NT5C2: variants seen among roughly 807,000 people sequenced by gnomAD.
NT5C2 encodes cytosolic purine 5'-nucleotidase.
In NT5C2, 58 loss-of-function variants were observed where a neutral mutation model predicts 76.1. The observed-to-expected ratio is 0.76, with a 90% CI of 0.62 to 0.95. The LOEUF (loss-of-function observed/expected upper bound fraction) is 0.95. Among genes scored for constraint, NT5C2 ranks in the 40% least tolerant of loss-of-function variants. NT5C2 has a pLI of 0.00. For missense variants in NT5C2, 478 were observed against 690.3 expected (o/e 0.69, Z 3.45); for synonymous variants, 229 against 237.4 (o/e 0.96, Z 0.32).
chr10:103,169,934 G>A (rs953401801), intron 3 of NT5C2, among the ~76,000 whole-genome samples: 1 of 152,102 alleles, frequency 6.6e-6, no homozygotes, highest in Non-Finnish European at 1.5e-5. Flanking sequence ...AGACCAGCCT[G>A]GCCAACATGG....
chr10:103,141,384 C>T (rs1208184039), intron 3 of NT5C2, among the ~76,000 whole-genome samples: 8 of 152,018 alleles, frequency 5.3e-5, no homozygotes, highest in African/African-American at 1.7e-4. Flanking sequence ...CTTGAGTCTA[C>T]GAGATCAAGG....
intron 4 of NT5C2, among the ~76,000 whole-genome samples, chr10:103,126,502 GT>G (rs1177395340): frequency 6.6e-6 from 1 of 152,034 alleles, no homozygotes; most frequent in Non-Finnish European, 1.5e-5. Flanking sequence ...CATGCCTGTA[GT>G]CCCAGCTACT....
chr10:103,107,309 A>G (rs1194578215), intron 4 of NT5C2, among the ~76,000 whole-genome samples: 3 of 152,214 alleles, frequency 2.0e-5, no homozygotes, highest in Non-Finnish European at 4.4e-5. Flanking sequence ...TTTGCAGGTT[A>G]TTATTGTAAA....
intron 4 of NT5C2, among the ~76,000 whole-genome samples, chr10:103,122,164 ACT>A (rs2075796780): frequency 1.3e-5 from 2 of 152,200 alleles, no homozygotes; most frequent in African/African-American, 4.8e-5. Flanking sequence ...ACAGGGCAAG[ACT>A]CTGTCTCAAA....
intron 18 of NT5C2, chr10:103,090,364 G>A (rs1479188896): frequency 7.1e-6 from 3 of 422,426 alleles, no homozygotes; most frequent in South Asian, 9.9e-5. Context: ...TTACAGGCAT[G>A]AGCCACCATG....
intron 4 of NT5C2, among the ~76,000 whole-genome samples, chr10:103,132,706 C>T (rs767829950): frequency 3.3e-4 from 50 of 152,012 alleles, no homozygotes; most frequent in Non-Finnish European, 5.6e-4. Flanking sequence ...CCCGCCACCA[C>T]GCCCGGCTAA....
intron 3 of NT5C2, among the ~76,000 whole-genome samples, chr10:103,147,616 A>G (rs1461514316): frequency 6.6e-6 from 1 of 152,222 alleles, no homozygotes; most frequent in African/African-American, 2.4e-5. Flanking sequence ...CCCTGTTTTG[A>G]CACTTACTAT....
intron 4 of NT5C2, among the ~76,000 whole-genome samples, chr10:103,137,815 G>A (rs924688047): frequency 3.3e-5 from 5 of 152,168 alleles, no homozygotes; most frequent in Admixed American, 1.3e-4. Context: ...TATAACTACT[G>A]ATTAATACAT....
intron 1 of NT5C2, among the ~76,000 whole-genome samples, chr10:103,188,442 T>C (rs1288053252): frequency 6.6e-6 from 1 of 152,008 alleles, no homozygotes; most frequent in Non-Finnish European, 1.5e-5. Flanking sequence ...AGCAAAACCA[T>C]ACAATTTACA....
chr10:103,153,908 T>C (rs2082838483), intron 3 of NT5C2: 1 of 501,936 alleles, frequency 2.0e-6, no homozygotes, highest in South Asian at 8.7e-5. Context: ...GGTATTTTTT[T>C]TTCTGACTTC....
chr10:103,171,051 C>T (rs1057003707), intron 3 of NT5C2, among the ~76,000 whole-genome samples: 3 of 152,090 alleles, frequency 2.0e-5, no homozygotes, highest in South Asian at 2.1e-4. Flanking sequence ...TACTTTAACA[C>T]GCCATACCTA....
rs561153700 is a variant in NT5C2, at chr10:103,181,876, G to A, written c.-168-548C>T. Among the ~76,000 whole-genome samples, 24 of 151,836 alleles carry A rather than the reference G, an allele frequency of 1.6e-4. No individual in the cohort carries two copies. The East Asian group carries it at 4.1e-3, about 26-fold the overall frequency. On this transcript the variant is annotated intron_variant, in intron 1 of 18. Transcript: ENST00000404739. Reference sequence around the variant, plus strand: ...AAAAAAATCAGCCAGGCGTGGTGGCGTATCCCTGTAGTCCCAGCTACTCGA... The same window carrying A: ...AAAAAAATCAGCCAGGCGTGGTGGCATATCCCTGTAGTCCCAGCTACTCGA...
chr10:103,133,134 T>G (rs2078543358), intron 4 of NT5C2, among the ~76,000 whole-genome samples: 1 of 152,198 alleles, frequency 6.6e-6, no homozygotes, highest in Non-Finnish European at 1.5e-5. Context: ...TCACAAGATC[T>G]GATGGTTTTA....
intron 4 of NT5C2, among the ~76,000 whole-genome samples, chr10:103,118,822 A>G (rs1176503572): frequency 6.6e-6 from 1 of 151,392 alleles, no homozygotes; most frequent in African/African-American, 2.4e-5. Flanking sequence ...TTTTTAAGGG[A>G]TCATCTCTTT....
At chr10:103,108,926 T>C (rs1048963881) in intron 4 of NT5C2, among the ~76,000 whole-genome samples, 8 of 152,078 alleles carry the variant, frequency 5.3e-5, no homozygotes, top group African/African-American at 1.7e-4. Context: ...GGCCGTGATC[T>C]TGACTCACTG....
chr10:103,147,020 T>A (rs535684606), intron 3 of NT5C2, among the ~76,000 whole-genome samples: 1 of 152,248 alleles, frequency 6.6e-6, no homozygotes, highest in Non-Finnish European at 1.5e-5. Context: ...AATGTAGTAA[T>A]AAAAAAGGTA....
At chr10:103,153,429 T>G in intron 3 of NT5C2, 2 of 1,149,114 alleles carry the variant, frequency 1.7e-6, no homozygotes, top group Non-Finnish European at 2.2e-6. Flanking sequence ...CCCAACAAAT[T>G]TGGGCACAAT....
intron 4 of NT5C2, among the ~76,000 whole-genome samples, chr10:103,129,152 G>A (rs1434642672): frequency 2.0e-4 from 22 of 110,414 alleles, no homozygotes; most frequent in South Asian, 3.4e-4. Flanking sequence ...CCGGCCAGCC[G>A]CCCCGTCCGG....
At chr10:103,101,356 T>G (rs1464689275) in intron 6 of NT5C2, 30 bp from the exon 7 acceptor site, 2 of 1,226,226 alleles carry the variant, frequency 1.6e-6, no homozygotes, top group Non-Finnish European at 2.4e-6. Context: ...ATTAACTGAT[T>G]TTTAAAATAA....
Sources: gnomAD v4.1 joint callset for allele counts (sites outside exome capture counted in the v4.1 genomes callset) on GRCh38, gnomAD v4.1.1 for gene constraint, MANE v1.5 for transcripts, NCBI Gene and HGNC (gene_info 2026-07-23, HGNC 2026-07-21) for gene names.